Variants in CRISPLD2 observed in about 807,000 individuals in gnomAD.
The protein encoded by CRISPLD2 is cysteine-rich secretory protein LCCL domain-containing 2.
In CRISPLD2, 47 loss-of-function variants were observed where a neutral mutation model predicts 71.1. The ratio of observed to expected loss-of-function variants is 0.66; its 90% CI spans 0.52 to 0.84. The LOEUF is 0.84. Ranked by LOEUF, CRISPLD2 falls within the 40% of genes least tolerant of loss-of-function variation. The pLI is 0.00. For synonymous variants in CRISPLD2, 317 were observed against 250.1 expected (o/e 1.27, Z -2.52); for missense variants, 830 against 651.1 (o/e 1.27, Z -2.99).
chr16:84,866,086 C>T (rs773208214), intron 6 of CRISPLD2, among the ~76,000 whole-genome samples: 1 of 152,056 alleles, frequency 6.6e-6, no homozygotes, highest in Non-Finnish European at 1.5e-5. Context: ...GTGTGAGGTG[C>T]AGTTGGGGTC....
In CRISPLD2 at chr16:84,827,606, G is replaced by A. The variant is rs560561472; in HGVS notation, c.-75+7473G>A. Among the ~76,000 whole-genome samples the A allele has an allele frequency of 4.2e-4, 58 of 136,600 alleles. No homozygotes were observed. The Middle Eastern group carries it at 0.023, about 54-fold the overall frequency. The allele number at this position is 136,600 out of a possible 152,430, so 89.6% of individuals were successfully genotyped here. On this transcript the variant is annotated intron_variant, in intron 1 of 14. Coordinates refer to ENST00000262424, the MANE Select transcript of CRISPLD2 (RefSeq NM_031476.4). Reference sequence around the variant, plus strand: ...TTCTGAGAAGGAGTCTCACTCTGTTGCTCAGGCTGGACTGCAGTGGTGCGA... The same window carrying A: ...TTCTGAGAAGGAGTCTCACTCTGTTACTCAGGCTGGACTGCAGTGGTGCGA...
intron 11 of CRISPLD2, among the ~76,000 whole-genome samples, chr16:84,876,691 G>C (rs1203068936): frequency 6.6e-6 from 1 of 151,762 alleles, no homozygotes; most frequent in Non-Finnish European, 1.5e-5. Flanking sequence ...TACTCGGGAG[G>C]CTAAGGCAGG....
intron 12 of CRISPLD2, among the ~76,000 whole-genome samples, chr16:84,879,494 C>G (rs1381895004): frequency 6.6e-6 from 1 of 152,082 alleles, no homozygotes; most frequent in Non-Finnish European, 1.5e-5. Context: ...TCCCGCGTAG[C>G]TGGGATTACG....
At chr16:84,885,567 C>A (rs1235893787) in intron 13 of CRISPLD2, among the ~76,000 whole-genome samples, 1 of 152,160 alleles carries the variant, frequency 6.6e-6, no homozygotes, top group Non-Finnish European at 1.5e-5. Flanking sequence ...ATACCCGGGA[C>A]CCCGCTTTGG....
At chr16:84,840,998 A>G (rs1382055793) in intron 2 of CRISPLD2, among the ~76,000 whole-genome samples, 1 of 152,222 alleles carries the variant, frequency 6.6e-6, no homozygotes, top group Non-Finnish European at 1.5e-5. Context: ...GACAAAGCAG[A>G]TGAGGTCCCC....
chr16:84,861,548 A>G (rs562780005), intron 6 of CRISPLD2, among the ~76,000 whole-genome samples: 1 of 152,278 alleles, frequency 6.6e-6, no homozygotes, highest in East Asian at 1.9e-4. Context: ...TTCCTGCTTT[A>G]TATCCTAGCT....
rs181220930 is a variant in CRISPLD2 at position 84,840,885 on chromosome 16, T to C, written c.240+2150T>C. Among the ~76,000 whole-genome samples, 22 of 152,308 alleles carry C rather than the reference T, an allele frequency of 1.4e-4. No homozygotes were observed. In the East Asian group the frequency reaches 3.7e-3, roughly 25 times the overall value. On this transcript the variant is annotated intron_variant, in intron 2 of 14. Transcript: ENST00000262424. ...GTGTGGGTAGGAGGCTCTGCTTCTC[T>C]GCCTTCCACATACCTGATATTTAAT...
intron 6 of CRISPLD2, among the ~76,000 whole-genome samples, chr16:84,857,934 C>T (rs1353373147): frequency 1.3e-5 from 2 of 152,142 alleles, no homozygotes; most frequent in African/African-American, 2.4e-5. Context: ...CTTTATGGCT[C>T]GATGGGTCAG....
At chr16:84,903,093 G>C (rs1206380849) in intron 14 of CRISPLD2, among the ~76,000 whole-genome samples, 1 of 152,070 alleles carries the variant, frequency 6.6e-6, no homozygotes. Context: ...TCTAAGTTCA[G>C]TTTGATGAGG....
chr16:84,860,064 C>T (rs1597463022), intron 6 of CRISPLD2, among the ~76,000 whole-genome samples: 1 of 133,350 alleles, frequency 7.5e-6, no homozygotes, highest in Non-Finnish European at 1.6e-5. Flanking sequence ...TCCACTCTAC[C>T]ATCCCAATCT....
chr16:84,882,252 A>G (rs76808327), intron 13 of CRISPLD2, among the ~76,000 whole-genome samples: 3,070 of 152,062 alleles, frequency 0.02, 100 homozygotes, highest in African/African-American at 0.071. Flanking sequence ...TGAATGAGAC[A>G]AAGTAATGTT....
Position 84,907,003 on chromosome 16 carries a change from C to G in CRISPLD2, c.*361C>G. The G allele has an allele frequency of 3.3e-6, 1 of 298,570 alleles. No homozygotes were observed. Among genetic ancestry groups the G allele is most frequent in the Middle Eastern group, 1.1e-3 (1 of 878 alleles). 18.5% of individuals were successfully genotyped at this position (298,570 alleles called of 1,614,324 possible). A position where few individuals can be genotyped will look rare whatever the true frequency, so the allele number is the denominator to read the frequency against. ...AGGAAGTTGATTTCAACCTCCCTGCCAAAAGAACAAACCATTTGAAGCTCA... is the reference window on the plus strand; with the variant it reads ...AGGAAGTTGATTTCAACCTCCCTGCGAAAAGAACAAACCATTTGAAGCTCA... On this transcript the variant is annotated 3_prime_UTR_variant, in exon 15 of 15. Coordinates refer to ENST00000262424, the MANE Select transcript of CRISPLD2 (RefSeq NM_031476.4).
chr16:84,903,134 T>G (rs2071770187), intron 14 of CRISPLD2, among the ~76,000 whole-genome samples: 1 of 152,112 alleles, frequency 6.6e-6, no homozygotes, highest in African/African-American at 2.4e-5. Flanking sequence ...CCGATCTGAT[T>G]TGGTTTGGTC....
Position 84,850,727 on chromosome 16 carries a change from T to C in CRISPLD2, c.608+44T>C, listed in dbSNP as rs776228846. On this transcript the variant is annotated intron_variant, in intron 5 of 14. Transcript: ENST00000262424. ...GTTGTATGGGGTGGGGGTTGGGATG[T>C]GTTTGCTTGCCAGGGAGCACCCAGT... is the stretch of plus-strand genomic sequence containing the variant. The C allele has an allele frequency of 2.0e-6, 3 of 1,504,616 alleles. No homozygotes were observed. In the African/African-American group the frequency reaches 4.1e-5, roughly 21 times the overall value. 93.2% of individuals were successfully genotyped at this position (1,504,616 alleles called of 1,614,324 possible). A position where few individuals can be genotyped will look rare whatever the true frequency, so the allele number is the denominator to read the frequency against.
intron 1 of CRISPLD2, among the ~76,000 whole-genome samples, chr16:84,821,003 C>A (rs779040017): frequency 1.3e-5 from 2 of 152,230 alleles, no homozygotes; most frequent in Non-Finnish European, 2.9e-5. Context: ...CTGATGCCTG[C>A]TCATCGCAGT....
At chr16:84,902,702 A>C (rs115132164) in intron 14 of CRISPLD2, among the ~76,000 whole-genome samples, 3,012 of 151,190 alleles carry the variant, frequency 0.02, 109 homozygotes, top group African/African-American at 0.069. Context: ...CTGCTGGCTC[A>C]GAGGGACTGG....
intron 14 of CRISPLD2, among the ~76,000 whole-genome samples, chr16:84,891,692 G>C (rs1249149391): frequency 6.6e-6 from 1 of 152,204 alleles, no homozygotes; most frequent in Non-Finnish European, 1.5e-5. Context: ...GCTGATTCAT[G>C]AGAACATCAC....
chr16:84,890,132 G>A (rs1279486575), intron 14 of CRISPLD2, among the ~76,000 whole-genome samples: 1 of 152,150 alleles, frequency 6.6e-6, no homozygotes, highest in Non-Finnish European at 1.5e-5. Context: ...GCCGAGGCAG[G>A]CAGATCATGA....
At chr16:84,888,897 A>C (rs1302017496) in intron 13 of CRISPLD2, among the ~76,000 whole-genome samples, 2 of 152,124 alleles carry the variant, frequency 1.3e-5, no homozygotes, top group Admixed American at 1.3e-4. Flanking sequence ...AGCCGATGCT[A>C]CCTCATTTGT....
Sources: gnomAD v4.1 joint callset for allele counts (sites outside exome capture counted in the v4.1 genomes callset) on GRCh38, gnomAD v4.1.1 for gene constraint, MANE v1.5 for transcripts, NCBI Gene and HGNC (gene_info 2026-07-23, HGNC 2026-07-21) for gene names.